Variants in HFM1 observed in about 807,000 individuals in gnomAD.
HFM1 encodes the protein probable ATP-dependent DNA helicase HFM1.
HFM1 carries 169 observed loss-of-function variants against 192.1 expected under a neutral mutation model. The ratio of observed to expected loss-of-function variants is 0.88; its 90% CI spans 0.78 to 1.00. The LOEUF (loss-of-function observed/expected upper bound fraction) is 1.00, where lower values mean the gene tolerates loss of function less well. Ranked by LOEUF, HFM1 falls within the 50% of genes least tolerant of loss-of-function variation. The probability of loss-of-function intolerance (pLI) is 0.00; values close to 1 mark genes in which losing one functional copy is unlikely to be tolerated. For synonymous variants in HFM1, 525 were observed against 537.8 expected (o/e 0.98, Z 0.33); for missense variants, 1,661 against 1,668.0 (o/e 1.00, Z 0.07).
In HFM1 at chr1:91,378,394, A is replaced by G; in HGVS notation, c.1236+9T>C. 1.3e-6 allele frequency: 2 copies of G among 1,570,918 alleles called. No individual in the cohort carries two copies. The highest frequency in any genetic ancestry group is 1.7e-6 in the Non-Finnish European group (2 of 1,144,158). ...TATGTTTATCTCTGAAAGCGAATGCATTCATTACCTCATCAATGAGAAACA... is the reference window on the plus strand; with the variant it reads ...TATGTTTATCTCTGAAAGCGAATGCGTTCATTACCTCATCAATGAGAAACA... On this transcript the variant is annotated intron_variant, in intron 10 of 38. Transcript: ENST00000370425.
intron 30 of HFM1, among the ~76,000 whole-genome samples, chr1:91,281,351 G>A (rs1667447126): frequency 6.6e-6 from 1 of 151,974 alleles, no homozygotes; most frequent in Non-Finnish European, 1.5e-5. Flanking sequence ...GTTTCTTTAA[G>A]TTCACTCAAT....
chr1:91,356,534 A>G (rs1474687799), intron 13 of HFM1, among the ~76,000 whole-genome samples: 3 of 152,248 alleles, frequency 2.0e-5, no homozygotes, highest in South Asian at 4.1e-4. Context: ...ACAGCCTAAC[A>G]TTATACCTAC....
At position 91,280,419 on chromosome 1, in the gene HFM1, G is replaced by A. The variant is rs74701640; in HGVS notation, c.3392-3357C>T. 1.5e-3 allele frequency among the ~76,000 whole-genome samples: 222 copies of A among 152,334 alleles called. 3 individuals carry two copies. The East Asian group carries it at 0.023, about 16-fold the overall frequency. On this transcript the variant is annotated intron_variant, in intron 30 of 38. Transcript: ENST00000370425. ...GTAGTAAAGGCAGCCTATGTTTGTAGGGGAACAGTTCCACCATGGCACCAT... is the reference window on the plus strand; with the variant it reads ...GTAGTAAAGGCAGCCTATGTTTGTAAGGGAACAGTTCCACCATGGCACCAT...
At position 91,319,093 on chromosome 1, in the gene HFM1, G is replaced by C; in HGVS notation, c.2797C>G (p.Gln933Glu). The change falls in exon 25 of 39, where the codon CAA becomes GAA. Residue 933 changes from glutamine (Q) to glutamate (E), a missense_variant. Coordinates refer to ENST00000370425, the MANE Select transcript of HFM1 (RefSeq NM_001017975.6). ...LWENSLHVSKQLEKIGITLSN... is the reference protein window; with the variant it reads ...LWENSLHVSKELEKIGITLSN... ...CAGTACCTACCAATTTTTTCCAGTT[G>C]TTTGGATACATGCAGAGAGTTTTCC... 1.3e-6 allele frequency: 2 copies of C among 1,596,966 alleles called. No homozygotes were observed. The highest frequency in any genetic ancestry group is 1.7e-6 in the Non-Finnish European group (2 of 1,175,518).
Position 91,276,685 on chromosome 1 carries a change from T to A in HFM1, c.3531A>T (p.Leu1177Phe), listed in dbSNP as rs1382338293. 6.4e-7 allele frequency: 1 copy of A among 1,570,124 alleles called. No individual in the cohort carries two copies. Among genetic ancestry groups the A allele is most frequent in the East Asian group, 2.3e-5 (1 of 43,136 alleles). The change falls in exon 32 of 39, where the codon TTA becomes TTT. Residue 1177 changes from leucine to phenylalanine, a missense_variant. Coordinates refer to ENST00000370425, the MANE Select transcript of HFM1 (RefSeq NM_001017975.6). ...EIKESTISSY[L>F]SDLRNRNAVS... is the part of the protein sequence containing the mutation. ...CAGCATTCCTGTTTCTTAAATCAGATAAATATGAAGAAATTGTTGACTCTT... is the reference window on the plus strand; with the variant it reads ...CAGCATTCCTGTTTCTTAAATCAGAAAAATATGAAGAAATTGTTGACTCTT...
chr1:91,337,065 C>T (rs1290541324), intron 20 of HFM1, among the ~76,000 whole-genome samples: 3 of 152,112 alleles, frequency 2.0e-5, no homozygotes, highest in Admixed American at 6.6e-5. Context: ...GAACAACACA[C>T]GTTGGGGTCT....
chr1:91,400,998 T>C lies in HFM1; in HGVS notation c.71+14A>G, dbSNP rs74100615. The C allele has an allele frequency of 1.1e-3, 1,500 of 1,367,542 alleles. 7 individuals are homozygous for C. The African/African-American group carries it at 0.019, about 18-fold the overall frequency. The allele number at this position is 1,367,542 out of a possible 1,614,324, so 84.7% of individuals were successfully genotyped here. ...AGTAATATACTATGCTATCAATCTT[T>C]AAGGGAGACTTACTTTTCAACTTCA... On this transcript the variant is annotated intron_variant, in intron 2 of 38. Coordinates refer to ENST00000370425, the MANE Select transcript of HFM1 (RefSeq NM_001017975.6).
In HFM1 at chr1:91,388,700, T is replaced by C. The variant is rs188657189; in HGVS notation, c.495-2866A>G. Among the ~76,000 whole-genome samples, 226 of 152,292 alleles carry C rather than the reference T, an allele frequency of 1.5e-3. 1 individual carries two copies. Among genetic ancestry groups the C allele is most frequent in the African/African-American group, 5.2e-3 (217 of 41,562 alleles). On this transcript the variant is annotated intron_variant, in intron 4 of 38. Transcript: ENST00000370425. ...TTCATGACCTTGGATTAGGCAATAG[T>C]TTCTTAGATATGACACCAAAACCAT...
chr1:91,402,148 T>C (rs1451839353), intron 1 of HFM1, among the ~76,000 whole-genome samples: 1 of 152,182 alleles, frequency 6.6e-6, no homozygotes, highest in East Asian at 1.9e-4. Flanking sequence ...GAAATTCTAT[T>C]AATGCCATCT....
chr1:91,331,430 T>G (rs1653803509), intron 20 of HFM1, among the ~76,000 whole-genome samples: 2 of 152,064 alleles, frequency 1.3e-5, no homozygotes, highest in East Asian at 1.9e-4. Context: ...ATCTTTGTAA[T>G]TAAAACTATA....
chr1:91,379,285 A>AC, intron 8 of HFM1, 71 bp from the exon 9 acceptor site: 1 of 1,247,714 alleles, frequency 8.0e-7, no homozygotes, highest in Non-Finnish European at 1.1e-6. Flanking sequence ...ACTTTGGTTA[A>AC]TAAAGTTAGC....
At position 91,319,130 on chromosome 1, in the gene HFM1, C is replaced by A; in HGVS notation, c.2760G>T (p.Arg920Ser). Residue 920 changes from arginine (R) to serine (S), a missense_variant, in exon 25 of 39, where the codon AGG (arginine) becomes AGT (serine). Coordinates refer to ENST00000370425, the MANE Select transcript of HFM1 (RefSeq NM_001017975.6). ...GCAGAGAGTTTTCCCAAAGTTTACACCTAAAACATTTAGCTAAAATCAAAC... is the reference window on the plus strand; with the variant it reads ...GCAGAGAGTTTTCCCAAAGTTTACAACTAAAACATTTAGCTAAAATCAAAC... Reference protein sequence around the residue: ...LNSLILAKCFRCKLWENSLHV... With the variant: ...LNSLILAKCFSCKLWENSLHV... The A allele has an allele frequency of 6.2e-7, 1 of 1,611,256 alleles. No homozygotes were observed. The highest frequency in any genetic ancestry group is 8.5e-7 in the Non-Finnish European group (1 of 1,179,176).
At chr1:91,343,230 CAA>C (rs34902756) in intron 20 of HFM1, among the ~76,000 whole-genome samples, 198 bp downstream of exon 20, 6 of 74,870 alleles carry the variant, frequency 8.0e-5, no homozygotes, top group African/African-American at 2.7e-4. Flanking sequence ...GACTCTGTCT[CAA>C]AAAAAAAAAA....
rs982619284 is a variant in HFM1 at position 91,262,375 on chromosome 1, T to C, written c.4104A>G (p.Arg1368=). ...GNAVIVHFQE[R]KPQNLSPEIE... ...TCTCTGGTGACAGATTTTGTGGTTTTCTTTCTTGAAAATGGACCTACATTT... is the reference window on the plus strand; with the variant it reads ...TCTCTGGTGACAGATTTTGTGGTTTCCTTTCTTGAAAATGGACCTACATTT... Residue 1368 remains arginine, a synonymous_variant, in exon 38 of 39, where the codon AGA becomes AGG. Coordinates refer to ENST00000370425, the MANE Select transcript of HFM1 (RefSeq NM_001017975.6). 6.3e-7 allele frequency: 1 copy of C among 1,576,472 alleles called. No homozygotes were observed. The highest frequency in any genetic ancestry group is 1.4e-5 in the African/African-American group (1 of 73,368).
rs760823651 is a variant in HFM1, at chr1:91,394,411, A to G, written c.185-9T>C. The G allele has an allele frequency of 1.2e-5, 17 of 1,391,718 alleles. No individual in the cohort carries two copies. Among genetic ancestry groups the G allele is most frequent in the Non-Finnish European group, 1.6e-5 (16 of 1,000,982 alleles). 86.2% of individuals were successfully genotyped at this position (1,391,718 alleles called of 1,614,324 possible). On this transcript the variant is annotated splice_polypyrimidine_tract_variant and intron_variant, in intron 3 of 38. Coordinates refer to ENST00000370425, the MANE Select transcript of HFM1 (RefSeq NM_001017975.6). ...TGGCCTCTTTTCCTGACCTACAAAA[A>G]AGGAATATCTTAATTATTACATGTT...
rs1344196244 is a variant in HFM1 at position 91,328,458 on chromosome 1, C to T, written c.2336-3692G>A. 6 of 1,612,966 alleles carry T rather than the reference C, an allele frequency of 3.7e-6. No individual in the cohort carries two copies. The East Asian group carries it at 8.9e-5, about 24-fold the overall frequency. Reference sequence around the variant, plus strand: ...CCCGGGAGAATGACATCAAGAGCTACTTTGGCCGTAAGGTGGCCATTGATG... The same window carrying T: ...CCCGGGAGAATGACATCAAGAGCTATTTTGGCCGTAAGGTGGCCATTGATG... On this transcript the variant is annotated intron_variant, in intron 20 of 38. Transcript: ENST00000370425.
At chr1:91,394,767 G>A (rs1663446698) in intron 3 of HFM1, among the ~76,000 whole-genome samples, 1 of 151,908 alleles carries the variant, frequency 6.6e-6, no homozygotes, top group Non-Finnish European at 1.5e-5. Context: ...GAAATACAAT[G>A]ACCAATTATA....
At chr1:91,363,170 G>C (rs559143124) in intron 13 of HFM1, among the ~76,000 whole-genome samples, 1 of 152,112 alleles carries the variant, frequency 6.6e-6, no homozygotes, top group East Asian at 1.9e-4. Flanking sequence ...AGCAAAAATT[G>C]ACAAATGGCA....
rs367822100 is a variant in HFM1 at position 91,401,917 on chromosome 1, TA to T, written c.-27-809del. ...GGCTGAACAAAGATGCAAATGTGAT[TA>T]AAAAAAAAAACTAGTCTCTAGATAC... On this transcript the variant is annotated intron_variant, in intron 1 of 38. Coordinates refer to ENST00000370425, the MANE Select transcript of HFM1 (RefSeq NM_001017975.6). Among the ~76,000 whole-genome samples the T allele has an allele frequency of 1.9e-4, 28 of 148,702 alleles. No homozygotes were observed. In the South Asian group the frequency reaches 1.9e-3, roughly 10 times the overall value.
Sources: gnomAD v4.1 joint callset for allele counts (sites outside exome capture counted in the v4.1 genomes callset) on GRCh38, gnomAD v4.1.1 for gene constraint, MANE v1.5 for transcripts, NCBI Gene and HGNC (gene_info 2026-07-23, HGNC 2026-07-21) for gene names.